The following ZNF276 variants were observed in gnomAD, a reference collection of about 807,000 sequenced individuals.
The protein encoded by ZNF276 is centromere protein Z.
ZNF276 carries 59 observed loss-of-function variants against 63.9 expected under a neutral mutation model. The ratio of observed to expected loss-of-function variants is 0.92; its 90% CI spans 0.75 to 1.15. The LOEUF (loss-of-function observed/expected upper bound fraction) is 1.15, where lower values mean the gene tolerates loss of function less well. Ranked by LOEUF, ZNF276 falls within the 50% of genes most tolerant of loss-of-function variation. The probability of loss-of-function intolerance (pLI) is 0.00; values close to 1 mark genes in which losing one functional copy is unlikely to be tolerated. For missense variants in ZNF276, 1,084 were observed against 843.8 expected, an observed-to-expected ratio of 1.28 and a Z score of -3.53; for synonymous variants, 496 against 348.4, an observed-to-expected ratio of 1.42 and a Z score of -4.72.
chr16:89,738,039 C>G lies in ZNF276; in HGVS notation c.1638C>G (p.His546Gln). 6.2e-7 allele frequency: 1 copy of G among 1,614,156 alleles called. No homozygotes were observed. The highest frequency in any genetic ancestry group is 8.5e-7 in the Non-Finnish European group (1 of 1,180,038). Residue 546 changes from histidine (H) to glutamine (Q), a missense_variant, in exon 11 of 11, where the codon CAC becomes CAG. Coordinates refer to ENST00000443381, the MANE Select transcript of ZNF276 (RefSeq NM_001113525.2). ...CCCTCAAGTACCACATGACCAAACA[C>G]AAGGCTGAGACTGAGCTGGACTTTG... ...RASLKYHMTK[H>Q]KAETELDFAC... is the part of the protein sequence containing the mutation.
intron 6 of ZNF276, among the ~76,000 whole-genome samples, chr16:89,730,782 C>T (rs2061620847): frequency 6.6e-6 from 1 of 152,170 alleles, no homozygotes; most frequent in Admixed American, 6.5e-5. Flanking sequence ...CCCAGAAGGG[C>T]CTCTGCACAG....
chr16:89,740,359 G>T lies in ZNF276; in HGVS notation c.*2113G>T, dbSNP rs1281457280. Reference sequence around the variant, plus strand: ...AAGACATTAAAAGAAAGGCCCACAGGCCGGATGCAGTGGCTCATGCCTGTA... The same window carrying T: ...AAGACATTAAAAGAAAGGCCCACAGTCCGGATGCAGTGGCTCATGCCTGTA... On this transcript the variant is annotated 3_prime_UTR_variant, in exon 11 of 11. Coordinates refer to ENST00000443381, the MANE Select transcript of ZNF276 (RefSeq NM_001113525.2). 16 of 529,732 alleles carry T rather than the reference G, an allele frequency of 3.0e-5. No individual in the cohort carries two copies. The highest frequency in any genetic ancestry group is 5.1e-5 in the Non-Finnish European group (15 of 293,808). 32.8% of individuals were successfully genotyped at this position (529,732 alleles called of 1,614,324 possible). A position where few individuals can be genotyped will look rare whatever the true frequency, so the allele number is the denominator to read the frequency against.
chr16:89,730,332 C>T (rs1172186870), intron 6 of ZNF276, among the ~76,000 whole-genome samples: 3 of 152,288 alleles, frequency 2.0e-5, no homozygotes, highest in Admixed American at 2.0e-4. Context: ...ACGGAAGCCC[C>T]CACTCCGTGA....
chr16:89,728,497 G>C (rs1030220464), intron 5 of ZNF276, among the ~76,000 whole-genome samples: 1 of 152,204 alleles, frequency 6.6e-6, no homozygotes, highest in East Asian at 1.9e-4. Flanking sequence ...TCTGCCTCCC[G>C]GGTTCACGCC....
chr16:89,738,751 G>A lies in ZNF276; in HGVS notation c.*505G>A. 6.2e-7 allele frequency: 1 copy of A among 1,612,718 alleles called. No individual in the cohort carries two copies. The highest frequency in any genetic ancestry group is 8.5e-7 in the Non-Finnish European group (1 of 1,179,462). On this transcript the variant is annotated 3_prime_UTR_variant, in exon 11 of 11. Transcript: ENST00000443381. ...GTCCTCAGCCCATGCCGCCCACTAG[G>A]CCTCAGACCACAGGGGAGGGGCTCT... is the stretch of plus-strand genomic sequence containing the variant.
Position 89,722,829 on chromosome 16 carries a change from T to A in ZNF276, c.504T>A (p.Cys168Ter). ...NASPAGRRKP[C>*]AKVGAQPPTG... is the part of the protein sequence containing the mutation. Reference sequence around the variant, plus strand: ...CCCCGGCTGGTCGCCGGAAGCCTTGTGCAAAGTACGCCCTAGTCTGTTCAG... The same window carrying A: ...CCCCGGCTGGTCGCCGGAAGCCTTGAGCAAAGTACGCCCTAGTCTGTTCAG... The change falls in exon 2 of 11, where the codon TGT (cysteine) becomes TGA (stop). Residue 168 changes from cysteine (C) to a stop codon, truncating the protein, a stop_gained. Coordinates refer to ENST00000443381, the MANE Select transcript of ZNF276 (RefSeq NM_001113525.2). LOFTEE classifies it high-confidence loss of function. The A allele has an allele frequency of 3.1e-6, 5 of 1,601,800 alleles. No individual in the cohort carries two copies. The highest frequency in any genetic ancestry group is 4.2e-6 in the Non-Finnish European group (5 of 1,179,750).
intron 5 of ZNF276, among the ~76,000 whole-genome samples, chr16:89,728,680 G>GCC (rs2061549243): frequency 1.3e-5 from 2 of 152,118 alleles, no homozygotes; most frequent in Non-Finnish European, 2.9e-5. Flanking sequence ...GGGATTACAG[G>GCC]TGTTAGCCAC....
chr16:89,731,271 T>C (rs2061640984), intron 6 of ZNF276, among the ~76,000 whole-genome samples: 1 of 152,276 alleles, frequency 6.6e-6, no homozygotes, highest in Non-Finnish European at 1.5e-5. Flanking sequence ...GTCTTGTTTC[T>C]GAGATGGAGT....
In ZNF276 at chr16:89,740,118, C is replaced by A. The variant is rs2062091493; in HGVS notation, c.*1872C>A. The A allele has an allele frequency of 6.2e-7, 1 of 1,607,934 alleles. No homozygotes were observed. The highest frequency in any genetic ancestry group is 8.5e-7 in the Non-Finnish European group (1 of 1,174,684). On this transcript the variant is annotated 3_prime_UTR_variant, in exon 11 of 11. Coordinates refer to ENST00000443381, the MANE Select transcript of ZNF276 (RefSeq NM_001113525.2). Reference sequence around the variant, plus strand: ...TGGTGCTCTGTAAACCGCAGGAGACCAACCCTGAGAATGGCCGACCTGGTG... The same window carrying A: ...TGGTGCTCTGTAAACCGCAGGAGACAAACCCTGAGAATGGCCGACCTGGTG...
At chr16:89,732,983 CCT>C in intron 6 of ZNF276, 2 of 259,794 alleles carry the variant, frequency 7.7e-6, no homozygotes, top group Non-Finnish European at 1.6e-5. Flanking sequence ...CTGTGTTCGC[CCT>C]GACCCTGCTG....
chr16:89,729,977 G>A (rs2061592756), intron 6 of ZNF276, among the ~76,000 whole-genome samples: 1 of 152,174 alleles, frequency 6.6e-6, no homozygotes, highest in Admixed American at 6.6e-5. Flanking sequence ...GTTGGTGACT[G>A]ACCCAGTCCC....
In ZNF276 at chr16:89,738,923, T is replaced by C; in HGVS notation, c.*677T>C. On this transcript the variant is annotated 3_prime_UTR_variant, in exon 11 of 11. Transcript: ENST00000443381. ...AAGCTCTTTTTCGGGCACCGAGGTA[T>C]TAACTGCAGCAGAAAAAGACGAGCT... The C allele has an allele frequency of 6.2e-7, 1 of 1,614,274 alleles. No individual in the cohort carries two copies. The highest frequency in any genetic ancestry group is 8.5e-7 in the Non-Finnish European group (1 of 1,180,052).
intron 10 of ZNF276, 31 bp downstream of exon 10, chr16:89,737,936 C>A (rs752814489): frequency 1.2e-6 from 2 of 1,613,922 alleles, no homozygotes; most frequent in South Asian, 2.2e-5. Context: ...CCTCCCAGGG[C>A]TGTGGCCCTC....
rs1266034102 is a variant in ZNF276 at position 89,723,706 on chromosome 16, C to G, written c.1003C>G (p.Pro335Ala). The change falls in exon 4 of 11, where the codon CCA becomes GCA. Residue 335 changes from proline (P) to alanine (A), a missense_variant. Physicochemically the swap from Pro to Ala is conservative, Grantham distance 27. Transcript: ENST00000443381. ...GCCAAGCCTGCCCCTTTGCAGGGCC[C>G]CAGGTAGGAGGCACCTCTTGCTGGT... is the stretch of plus-strand genomic sequence containing the variant. The part of the protein sequence containing the change: ...PQPSLPLCRA[P>A]GQLGEKQLPS... The G allele has an allele frequency of 4.4e-6, 7 of 1,607,224 alleles. No individual in the cohort carries two copies. Among genetic ancestry groups the G allele is most frequent in the Admixed American group, 1.7e-5 (1 of 59,856 alleles).
At position 89,739,708 on chromosome 16, in the gene ZNF276, G is replaced by C. The variant is rs2062076970; in HGVS notation, c.*1462G>C. ...CTGAGCTGAGGATACCCAGGTACCTGTCAGCAGCTGGGAGAGGATGGGGGG... is the reference window on the plus strand; with the variant it reads ...CTGAGCTGAGGATACCCAGGTACCTCTCAGCAGCTGGGAGAGGATGGGGGG... On this transcript the variant is annotated 3_prime_UTR_variant, in exon 11 of 11. Coordinates refer to ENST00000443381, the MANE Select transcript of ZNF276 (RefSeq NM_001113525.2). The C allele has an allele frequency of 6.6e-7, 1 of 1,504,784 alleles. No homozygotes were observed. The highest frequency in any genetic ancestry group is 2.0e-5 in the Admixed American group (1 of 49,892). 93.2% of individuals were successfully genotyped at this position (1,504,784 alleles called of 1,614,324 possible). A position where few individuals can be genotyped will look rare whatever the true frequency, so the allele number is the denominator to read the frequency against.
At chr16:89,729,122 G>A in intron 5 of ZNF276, 113 bp from the exon 6 acceptor site, 2 of 838,514 alleles carry the variant, frequency 2.4e-6, no homozygotes, top group Non-Finnish European at 3.9e-6. Flanking sequence ...ATTTTCAGAA[G>A]AACTCAAATG....
At chr16:89,736,330 A>AT (rs2061885734) in intron 9 of ZNF276, among the ~76,000 whole-genome samples, 1 of 130,922 alleles carries the variant, frequency 7.6e-6, no homozygotes, top group Non-Finnish European at 1.7e-5. Context: ...CCCAGCCCCC[A>AT]ATTTTTTTTT....
chr16:89,727,868 C>G (rs2061516596), intron 5 of ZNF276, among the ~76,000 whole-genome samples: 1 of 152,240 alleles, frequency 6.6e-6, no homozygotes, highest in Admixed American at 6.5e-5. Flanking sequence ...AGCCGAGGCT[C>G]TGCGAGGAGG....
Position 89,739,912 on chromosome 16 carries a change from G to A in ZNF276, c.*1666G>A. On this transcript the variant is annotated 3_prime_UTR_variant, in exon 11 of 11. Coordinates refer to ENST00000443381, the MANE Select transcript of ZNF276 (RefSeq NM_001113525.2). Reference sequence around the variant, plus strand: ...AACTTACTTAGCAAGGAACCTCAAGGAGGGCTCGTTCTTAACCATTTGCAA... The same window carrying A: ...AACTTACTTAGCAAGGAACCTCAAGAAGGGCTCGTTCTTAACCATTTGCAA... 6 of 1,591,518 alleles carry A rather than the reference G, an allele frequency of 3.8e-6. No homozygotes were observed. Among genetic ancestry groups the A allele is most frequent in the South Asian group, 3.4e-5 (3 of 88,660 alleles).
Sources: allele counts gnomAD v4.1 joint callset (sites outside exome capture counted in the v4.1 genomes callset), GRCh38; gene constraint gnomAD v4.1.1; transcripts MANE v1.5; gene names NCBI Gene and HGNC (gene_info 2026-07-23, HGNC 2026-07-21).